MYNN: variants seen among roughly 807,000 people sequenced by gnomAD.
MYNN encodes the protein myoneurin.
Under a neutral mutation model 57.2 loss-of-function variants are expected in MYNN, and 22 were observed. The ratio of observed to expected loss-of-function variants is 0.38; its 90% CI spans 0.27 to 0.55. The LOEUF is 0.55. Among genes scored for constraint, MYNN ranks in the 20% least tolerant of loss-of-function variants. MYNN has a pLI of 0.71. For synonymous variants in MYNN, 241 were observed against 257.1 expected (o/e 0.94, Z 0.60); for missense variants, 566 against 723.1 (o/e 0.78, Z 2.49).
chr3:169,776,399 G>T (rs567907048), intron 2 of MYNN, among the ~76,000 whole-genome samples: 27 of 152,152 alleles, frequency 1.8e-4, no homozygotes, highest in Non-Finnish European at 3.7e-4. Context: ...AACATTCTGT[G>T]CTCTTGGACA....
rs1476482738 is a variant in MYNN, at chr3:169,782,666, G to A, written c.1399+23G>A. The A allele has an allele frequency of 6.3e-7, 1 of 1,592,164 alleles. No individual in the cohort carries two copies. The highest frequency in any genetic ancestry group is 1.1e-5 in the South Asian group (1 of 87,164). On this transcript the variant is annotated intron_variant, in intron 5 of 7. Transcript: ENST00000349841. The surrounding 1 kb of genome is among the most constrained non-coding windows in gnomAD (Gnocchi z 4.8). ...CAGGTAAGTTTGACAGGGAGAGACTGCTTAAAATAAAGTTATAAATAAAAG... is the reference window on the plus strand; with the variant it reads ...CAGGTAAGTTTGACAGGGAGAGACTACTTAAAATAAAGTTATAAATAAAAG...
At position 169,782,716 on chromosome 3, in the gene MYNN, C is replaced by T. The variant is rs1560588663; in HGVS notation, c.1399+73C>T. The T allele has an allele frequency of 9.0e-6, 11 of 1,215,636 alleles. No individual in the cohort carries two copies. The highest frequency in any genetic ancestry group is 1.4e-5 in the South Asian group (1 of 69,734). The allele number at this position is 1,215,636 out of a possible 1,614,324, so 75.3% of individuals were successfully genotyped here. On this transcript the variant is annotated intron_variant, in intron 5 of 7. Transcript: ENST00000349841. The surrounding 1 kb of genome is among the most constrained non-coding windows in gnomAD (Gnocchi z 4.8). ...GAAAAAGGGGACTTGGGCCTTTTAG[C>T]GAAGTAGATCGGAAACTTTGTAGTT...
rs1183902812 is a variant in MYNN, at chr3:169,787,447, A to C, written c.*769A>C. 2 of 152,120 alleles carry C rather than the reference A, an allele frequency of 1.3e-5. No individual in the cohort carries two copies. The highest frequency in any genetic ancestry group is 2.9e-5 in the Non-Finnish European group (2 of 67,968). 9.4% of individuals were successfully genotyped at this position (152,120 alleles called of 1,614,324 possible). ...TTCAGTTTATGTTTTATTCCGTTCT[A>C]AAATATTGGAGATGAGGAAAATGTA... On this transcript the variant is annotated 3_prime_UTR_variant, in exon 8 of 8. Transcript: ENST00000349841.
Position 169,774,372 on chromosome 3 carries a change from G to C in MYNN, c.77G>C (p.Cys26Ser), listed in dbSNP as rs1778265046. The C allele has an allele frequency of 6.2e-7, 1 of 1,614,000 alleles. No individual in the cohort carries two copies. Among genetic ancestry groups the C allele is most frequent in the African/African-American group, 1.3e-5 (1 of 74,926 alleles). The stretch of plus-strand genomic sequence containing the variant: ...CGGGAAGCAGGTTTTCTCTGTGACT[G>C]TACCATAGTGATTGGGGAATTCCAG... ...KQREAGFLCDCTIVIGEFQFK... is the reference protein window; with the variant it reads ...KQREAGFLCDSTIVIGEFQFK... Residue 26 changes from cysteine (C) to serine (S), a missense_variant, in exon 2 of 8, where the codon TGT becomes TCT. This residue lies in a region of MYNN where 26 missense variants were observed against 55.8 expected (regional missense o/e 0.47). Coordinates refer to ENST00000349841, the MANE Select transcript of MYNN (RefSeq NM_018657.5).
In MYNN at chr3:169,786,780, A is replaced by G. The variant is rs1778691735; in HGVS notation, c.*102A>G. ...ATTCCCATTCATTTGAGTTGTGACCATTATTTTTCATTCACTGAAGTAAAA... is the reference window on the plus strand; with the variant it reads ...ATTCCCATTCATTTGAGTTGTGACCGTTATTTTTCATTCACTGAAGTAAAA... On this transcript the variant is annotated 3_prime_UTR_variant, in exon 8 of 8. Coordinates refer to ENST00000349841, the MANE Select transcript of MYNN (RefSeq NM_018657.5). 4 of 1,188,016 alleles carry G rather than the reference A, an allele frequency of 3.4e-6. No homozygotes were observed. Among genetic ancestry groups the G allele is most frequent in the South Asian group, 1.6e-5 (1 of 64,428 alleles). The allele number at this position is 1,188,016 out of a possible 1,614,324, so 73.6% of individuals were successfully genotyped here.
intron 2 of MYNN, among the ~76,000 whole-genome samples, chr3:169,775,604 T>G (rs1778315031): frequency 6.6e-6 from 1 of 152,192 alleles, no homozygotes. Flanking sequence ...TACTTGATCC[T>G]TATTCACTTC....
rs1778700705 is a variant in MYNN at position 169,787,200 on chromosome 3, C to G, written c.*522C>G. On this transcript the variant is annotated 3_prime_UTR_variant, in exon 8 of 8. Coordinates refer to ENST00000349841, the MANE Select transcript of MYNN (RefSeq NM_018657.5). ...GCGCTGAATAAGAATTGTGCTATTT[C>G]TCTATTAATATATTGTTAGAAATAA... 1 of 152,474 alleles carries G rather than the reference C, an allele frequency of 6.6e-6. No individual in the cohort carries two copies. Among genetic ancestry groups the G allele is most frequent in the Non-Finnish European group, 1.5e-5 (1 of 68,126 alleles). The allele number at this position is 152,474 out of a possible 1,614,324, so 9.4% of individuals were successfully genotyped here.
Position 169,779,201 on chromosome 3 carries a change from G to A in MYNN, c.700G>A (p.Glu234Lys). The change falls in exon 3 of 8, where the codon GAA (glutamate) becomes AAA (lysine). Residue 234 changes from glutamate (E) to lysine (K), a missense_variant. Physicochemically the swap from Glu to Lys is moderately conservative, Grantham distance 56. Transcript: ENST00000349841. ...EQVAQINDNS[E>K]LELTSVVENT... ...AGTTGCACAAATAAATGATAATTCAGAACTCGAGTTGACATCAGTTGTGGA... is the reference window on the plus strand; with the variant it reads ...AGTTGCACAAATAAATGATAATTCAAAACTCGAGTTGACATCAGTTGTGGA... The A allele has an allele frequency of 2.5e-6, 4 of 1,614,146 alleles. No homozygotes were observed. Among genetic ancestry groups the A allele is most frequent in the Non-Finnish European group, 3.4e-6 (4 of 1,180,018 alleles).
chr3:169,785,722 A>C (rs545196582), intron 7 of MYNN, among the ~76,000 whole-genome samples: 1 of 152,210 alleles, frequency 6.6e-6, no homozygotes, highest in South Asian at 2.1e-4. Context: ...ACAGATAATT[A>C]CAATTTTACG....
At chr3:169,784,429 T>C (rs1384863282) in intron 6 of MYNN, among the ~76,000 whole-genome samples, 193 bp from the exon 7 acceptor site, 1 of 151,988 alleles carries the variant, frequency 6.6e-6, no homozygotes, top group African/African-American at 2.4e-5. Context: ...TACAGATTTT[T>C]TGTATAAAGG....
rs1778447819 is a variant in MYNN, at chr3:169,779,524, A to G, written c.1023A>G (p.Gln341=). The G allele has an allele frequency of 2.5e-6, 4 of 1,614,162 alleles. No individual in the cohort carries two copies. The highest frequency in any genetic ancestry group is 3.4e-6 in the Non-Finnish European group (4 of 1,180,006). The stretch of plus-strand genomic sequence containing the variant: ...ACTTATGTGGAAAGGCATTTACCCA[A>G]TGTAACCAGCTGAAAACGCATGTAA... ...VCHLCGKAFT[Q]CNQLKTHVRT... The change falls in exon 3 of 8, where the codon CAA becomes CAG. Residue 341 remains glutamine, a synonymous_variant. Coordinates refer to ENST00000349841, the MANE Select transcript of MYNN (RefSeq NM_018657.5).
intron 6 of MYNN, 185 bp downstream of exon 6, chr3:169,783,745 A>G (rs1317675662): frequency 1.5e-6 from 1 of 649,740 alleles, no homozygotes; most frequent in Non-Finnish European, 2.8e-6. Flanking sequence ...TGGAGTATGA[A>G]TTAAATTTGT....
Position 169,778,801 on chromosome 3 carries a change from C to T in MYNN, c.300C>T (p.Asp100=), listed in dbSNP as rs1421465211. The T allele has an allele frequency of 1.2e-6, 2 of 1,606,620 alleles. No individual in the cohort carries two copies. Among genetic ancestry groups the T allele is most frequent in the Admixed American group, 1.7e-5 (1 of 58,294 alleles). The change falls in exon 3 of 8, where the codon GAC becomes GAT. Residue 100 remains aspartate, a synonymous_variant. Coordinates refer to ENST00000349841, the MANE Select transcript of MYNN (RefSeq NM_018657.5). ...WNVKEIHQAA[D]YLKVEEVVTK... is the part of the protein sequence containing the mutation. The stretch of plus-strand genomic sequence containing the variant: ...TTAAAGAAATTCATCAGGCTGCTGA[C>T]TATCTCAAAGTGGAAGAGGTGGTCA...
chr3:169,773,785 G>A (rs939556952), intron 1 of MYNN, among the ~76,000 whole-genome samples: 4 of 152,192 alleles, frequency 2.6e-5, no homozygotes. Flanking sequence ...AGCCATGGCC[G>A]GGCGCATTCC....
intron 6 of MYNN, among the ~76,000 whole-genome samples, chr3:169,784,163 A>C (rs1485100130): frequency 1.3e-5 from 2 of 152,058 alleles, no homozygotes; most frequent in East Asian, 1.9e-4. Context: ...ACCATAAAGC[A>C]CTGAACAGTT....
At chr3:169,780,351 C>A (rs974884225) in intron 3 of MYNN, 5 of 326,002 alleles carry the variant, frequency 1.5e-5, no homozygotes, top group Non-Finnish European at 1.1e-5. Flanking sequence ...AGCCACCGAG[C>A]CCAGCCCTAG....
rs1560590609 is a variant in MYNN, at chr3:169,786,697, A to G, written c.*19A>G. Reference sequence around the variant, plus strand: ...ATACTGACTTTGTAAGGAATATGGAATTGCTAAGATATCATTGGTAGCAAA... The same window carrying G: ...ATACTGACTTTGTAAGGAATATGGAGTTGCTAAGATATCATTGGTAGCAAA... On this transcript the variant is annotated 3_prime_UTR_variant, in exon 8 of 8. Transcript: ENST00000349841. The G allele has an allele frequency of 1.2e-6, 2 of 1,604,202 alleles. No homozygotes were observed. Among genetic ancestry groups the G allele is most frequent in the African/African-American group, 1.3e-5 (1 of 74,666 alleles).
chr3:169,774,489 A>C lies in MYNN; in HGVS notation c.194A>C (p.Gln65Pro). The C allele has an allele frequency of 6.2e-7, 1 of 1,614,126 alleles. No homozygotes were observed. The highest frequency in any genetic ancestry group is 8.5e-7 in the Non-Finnish European group (1 of 1,180,006). Residue 65 changes from glutamine to proline, a missense_variant, in exon 2 of 8, where the codon CAG (glutamine) becomes CCG (proline). Gln to Pro is a moderately conservative substitution (Grantham distance 76). This residue lies in a region of MYNN where 261 missense variants were observed against 280.8 expected (regional missense o/e 0.93). Coordinates refer to ENST00000349841, the MANE Select transcript of MYNN (RefSeq NM_018657.5). ...STSENNVFLD[Q>P]SQVKADGFQK... ...TCTGAGAACAATGTCTTTCTTGATCAGAGTCAGGTGAAGGCTGATGGATTT... is the reference window on the plus strand; with the variant it reads ...TCTGAGAACAATGTCTTTCTTGATCCGAGTCAGGTGAAGGCTGATGGATTT...
chr3:169,781,489 G>A (rs558360108), intron 4 of MYNN, among the ~76,000 whole-genome samples: 2 of 152,218 alleles, frequency 1.3e-5, no homozygotes, highest in Non-Finnish European at 2.9e-5. Context: ...ATTTAAAGCT[G>A]TAACCCTGGC....
Sources: allele counts gnomAD v4.1 joint callset (sites outside exome capture counted in the v4.1 genomes callset), GRCh38; gene constraint gnomAD v4.1.1; regional missense constraint gnomAD v4.1.1; non-coding constraint Gnocchi (gnomAD v3.1); transcripts MANE v1.5; gene names NCBI Gene and HGNC (gene_info 2026-07-23, HGNC 2026-07-21).